RPS6KC1: variants seen among roughly 807,000 people sequenced by gnomAD.
RPS6KC1 encodes the protein ribosomal protein S6 kinase C1, also known as inactive ribosomal protein S6 kinase delta-1.
RPS6KC1 carries 54 observed loss-of-function variants against 103.8 expected under a neutral mutation model. The observed-to-expected ratio is 0.52, with a 90% CI of 0.42 to 0.65. The LOEUF (loss-of-function observed/expected upper bound fraction) is 0.65. Ranked by LOEUF, RPS6KC1 falls within the 30% of genes least tolerant of loss-of-function variation. RPS6KC1 has a pLI of 0.00. For missense variants in RPS6KC1, 1,151 were observed against 1,253.8 expected (o/e 0.92, Z 1.24); for synonymous variants, 439 against 438.7 (o/e 1.00, Z -0.01).
At chr1:213,397,071 A>G in the RPS6KC1 span, among the ~76,000 whole-genome samples, 1 of 152,190 alleles carries the variant, frequency 6.6e-6, no homozygotes, top group Non-Finnish European at 1.5e-5. Context: ...CTTTTGGGAA[A>G]GATCTACTAA....
rs149462106 is a variant in RPS6KC1 at position 213,138,825 on chromosome 1, A to G, written c.835+8936A>G. On this transcript the variant is annotated intron_variant, in intron 6 of 14. Coordinates refer to ENST00000366960, the MANE Select transcript of RPS6KC1 (RefSeq NM_012424.6). ...ATAGTGTTGTGATAAACATGTGTGC[A>G]TGTGTCTTTATGGTAGAATAATTTG... Among the ~76,000 whole-genome samples, 587 of 152,292 alleles carry G rather than the reference A, an allele frequency of 3.9e-3. 4 individuals carry two copies. Among genetic ancestry groups the G allele is most frequent in the African/African-American group, 0.014 (569 of 41,560 alleles).
chr1:213,677,243 C>T, the RPS6KC1 span, among the ~76,000 whole-genome samples: 1 of 152,218 alleles, frequency 6.6e-6, no homozygotes, highest in African/African-American at 2.4e-5. Flanking sequence ...AACTCTCACT[C>T]CTCACCTGAA....
the RPS6KC1 span, among the ~76,000 whole-genome samples, chr1:213,757,057 A>G: frequency 1.3e-5 from 2 of 152,188 alleles, no homozygotes; most frequent in African/African-American, 4.8e-5. Flanking sequence ...TCTCTGCCAA[A>G]TGGTTGTTCC....
At chr1:213,466,080 C>T in the RPS6KC1 span, among the ~76,000 whole-genome samples, 4 of 152,142 alleles carry the variant, frequency 2.6e-5, no homozygotes, top group Non-Finnish European at 5.9e-5. Context: ...TTTGATACTG[C>T]TTCTCCCCAC....
chr1:213,197,523 AGTATGTAT>A (rs3056229), intron 8 of RPS6KC1, among the ~76,000 whole-genome samples: 27 of 150,528 alleles, frequency 1.8e-4, no homozygotes, highest in Non-Finnish European at 3.0e-4. Flanking sequence ...TGTATTCCTA[AGTATGTAT>A]GTATGTATGT....
chr1:213,578,949 G>C, the RPS6KC1 span, among the ~76,000 whole-genome samples: 4 of 152,150 alleles, frequency 2.6e-5, no homozygotes, highest in African/African-American at 9.6e-5. Context: ...ACCAGGGGTG[G>C]AATGATATGA....
the RPS6KC1 span, among the ~76,000 whole-genome samples, chr1:213,300,046 C>A: frequency 1.3e-5 from 2 of 152,122 alleles, no homozygotes; most frequent in Non-Finnish European, 2.9e-5. Flanking sequence ...ACCTCATGAT[C>A]TGCCTGCCTC....
intron 4 of RPS6KC1, among the ~76,000 whole-genome samples, chr1:213,108,284 G>A (rs1424462984): frequency 1.3e-5 from 2 of 152,050 alleles, no homozygotes; most frequent in African/African-American, 2.4e-5. Flanking sequence ...GTGAAGGAAC[G>A]GTCTAAATTC....
At chr1:213,324,447 A>C in the RPS6KC1 span, among the ~76,000 whole-genome samples, 1 of 152,206 alleles carries the variant, frequency 6.6e-6, no homozygotes, top group African/African-American at 2.4e-5. Context: ...AAAGTCCTTG[A>C]TCTTGGACTC....
At chr1:213,727,440 AG>A in the RPS6KC1 span, among the ~76,000 whole-genome samples, 3 of 152,216 alleles carry the variant, frequency 2.0e-5, no homozygotes, top group African/African-American at 7.2e-5. Context: ...TTCCATTTGC[AG>A]GTAGGAGGGG....
chr1:213,119,451 T>TG (rs2084101746), intron 5 of RPS6KC1, among the ~76,000 whole-genome samples: 1 of 3,654 alleles, frequency 2.7e-4, no homozygotes, highest in Admixed American at 1.3e-3. Context: ...TATATATATA[T>TG]ATATATATAT....
intron 4 of RPS6KC1, among the ~76,000 whole-genome samples, chr1:213,112,392 G>A (rs1052117965): frequency 2.0e-5 from 3 of 151,916 alleles, no homozygotes; most frequent in East Asian, 1.9e-4. Flanking sequence ...TTTCTGAGGC[G>A]TGAATTTGCA....
At chr1:213,598,037 G>A in the RPS6KC1 span, among the ~76,000 whole-genome samples, 1 of 152,202 alleles carries the variant, frequency 6.6e-6, no homozygotes, top group African/African-American at 2.4e-5. Context: ...TGACGCAAAA[G>A]TAATTGTGGG....
chr1:213,678,270 CAT>C, the RPS6KC1 span, among the ~76,000 whole-genome samples: 96 of 152,304 alleles, frequency 6.3e-4, 1 homozygote, highest in African/African-American at 2.1e-3. Context: ...TACAAGGAAA[CAT>C]GTGTTCAGAA....
At chr1:213,286,966 T>C in the RPS6KC1 span, among the ~76,000 whole-genome samples, 1 of 152,326 alleles carries the variant, frequency 6.6e-6, no homozygotes, top group Middle Eastern at 3.4e-3. Context: ...ACAAATAGTC[T>C]GGGTTCTTTA....
chr1:213,322,916 T>G, the RPS6KC1 span, among the ~76,000 whole-genome samples: 5 of 17,242 alleles, frequency 2.9e-4, no homozygotes, highest in Admixed American at 6.9e-4. Flanking sequence ...CCCAGCTTTT[T>G]TTTTTTTTTT....
chr1:213,618,622 C>T, the RPS6KC1 span, among the ~76,000 whole-genome samples: 2 of 152,130 alleles, frequency 1.3e-5, no homozygotes, highest in Non-Finnish European at 2.9e-5. Flanking sequence ...AGTCATGTGG[C>T]CTTTCCGCAA....
At chr1:213,209,724 A>G in intron 8 of RPS6KC1, among the ~76,000 whole-genome samples, 2 of 140,980 alleles carry the variant, frequency 1.4e-5, no homozygotes, top group African/African-American at 2.5e-5. Context: ...AAAAAAAAGG[A>G]ATAGAAGAAT....
chr1:213,713,246 TA>T, the RPS6KC1 span, among the ~76,000 whole-genome samples: 1,585 of 152,322 alleles, frequency 0.01, 25 homozygotes, highest in African/African-American at 0.036. Flanking sequence ...TTTTGATGTA[TA>T]AAAGTTTCAT....
Sources: allele counts gnomAD v4.1 joint callset (sites outside exome capture counted in the v4.1 genomes callset), GRCh38; gene constraint gnomAD v4.1.1; transcripts MANE v1.5; gene names NCBI Gene and HGNC (gene_info 2026-07-23, HGNC 2026-07-21).